The following GRIN2D variants were observed in gnomAD, a reference collection of about 807,000 sequenced individuals.
GRIN2D encodes glutamate receptor ionotropic, NMDA 2D.
GRIN2D carries 37 observed loss-of-function variants against 103.2 expected under a neutral mutation model. The observed-to-expected ratio is 0.36, with a 90% CI of 0.28 to 0.47. GRIN2D has a LOEUF of 0.47. Among genes scored for constraint, GRIN2D ranks in the 20% least tolerant of loss-of-function variants. The pLI is 1.00. For missense variants in GRIN2D, 1,557 were observed against 1,910.6 expected, an observed-to-expected ratio of 0.81 and a Z score of 3.45; for synonymous variants, 845 against 885.6, an observed-to-expected ratio of 0.95 and a Z score of 0.81.
chr19:48,404,407 C>G (rs796191744), intron 3 of GRIN2D, among the ~76,000 whole-genome samples: 7 of 150,994 alleles, frequency 4.6e-5, no homozygotes, highest in African/African-American at 1.7e-4. Context: ...GCAGGAGAAT[C>G]ACTTGAACCC....
rs142827132 is a variant in GRIN2D, at chr19:48,441,934, G to C, written c.2418G>C (p.Ala806=). 2.9e-5 allele frequency: 46 copies of C among 1,608,550 alleles called. No homozygotes were observed. The highest frequency in any genetic ancestry group is 3.6e-5 in the Non-Finnish European group (43 of 1,178,514). The change falls in exon 12 of 14, where the codon GCG becomes GCC. Residue 806 remains alanine (A), a synonymous_variant. Coordinates refer to ENST00000263269, the MANE Select transcript of GRIN2D (RefSeq NM_000836.4). ...GSRWKRPIDL[A]LLQFLGDDEI... Reference sequence around the variant, plus strand: ...GCTGGAAGCGGCCCATCGACCTGGCGTTGCTGCAGTTCCTGGGGGATGGTG... The same window carrying C: ...GCTGGAAGCGGCCCATCGACCTGGCCTTGCTGCAGTTCCTGGGGGATGGTG...
chr19:48,414,236 C>A lies in GRIN2D; in HGVS notation c.1200+131C>A. 1 of 899,122 alleles carries A rather than the reference C, an allele frequency of 1.1e-6. No individual in the cohort carries two copies. Among genetic ancestry groups the A allele is most frequent in the Non-Finnish European group, 1.8e-6 (1 of 569,810 alleles). 55.7% of individuals were successfully genotyped at this position (899,122 alleles called of 1,614,324 possible). On this transcript the variant is annotated intron_variant, in intron 5 of 13. Transcript: ENST00000263269. The surrounding 1 kb of genome is among the most constrained non-coding windows in gnomAD (Gnocchi z 4.6). ...AGCCTGGACTCCTGGGTCCTGGGAT[C>A]TGAAGGTGGGAGGGGCTCCTGGGTC...
chr19:48,442,888 G>A lies in GRIN2D; in HGVS notation c.2962G>A (p.Ala988Thr). The A allele has an allele frequency of 9.2e-7, 1 of 1,092,640 alleles. No individual in the cohort carries two copies. Among genetic ancestry groups the A allele is most frequent in the Non-Finnish European group, 1.1e-6 (1 of 902,520 alleles). 67.7% of individuals were successfully genotyped at this position (1,092,640 alleles called of 1,614,324 possible). The change falls in exon 14 of 14, where the codon GCC (alanine) becomes ACC (threonine). Residue 988 changes from alanine to threonine, a missense_variant. Physicochemically the swap from Ala to Thr is moderately conservative, Grantham distance 58. This residue lies in a region of GRIN2D where 632 missense variants were observed against 572.8 expected (regional missense o/e 1.10). Transcript: ENST00000263269. The surrounding 1 kb of genome is among the most constrained non-coding windows in gnomAD (Gnocchi z 7.2). The part of the protein sequence containing the change: ...GEARAAPRGA[A>T]GRPLSPPAAQ... ...AGCGCGCGCGGCACCGCGGGGCGCA[G>A]CCGGGCGCCCGCTGTCCCCGCCGGC...
At chr19:48,437,751 T>C (rs951624886) in intron 11 of GRIN2D, among the ~76,000 whole-genome samples, 2 of 152,146 alleles carry the variant, frequency 1.3e-5, no homozygotes, top group Non-Finnish European at 2.9e-5. Context: ...ACTTCACCTT[T>C]CACCCCCAAG....
rs754922391 is a variant in GRIN2D, at chr19:48,414,882, C to T, written c.1431C>T (p.Pro477=). The T allele has an allele frequency of 1.2e-5, 20 of 1,614,166 alleles. No homozygotes were observed. The highest frequency in any genetic ancestry group is 1.4e-5 in the Non-Finnish European group (16 of 1,180,046). Residue 477 remains proline (P), a synonymous_variant, in exon 7 of 14, where the codon CCC becomes CCT. Coordinates refer to ENST00000263269, the MANE Select transcript of GRIN2D (RefSeq NM_000836.4). The surrounding 1 kb of genome is among the most constrained non-coding windows in gnomAD (Gnocchi z 4.6). ...NRTHSPPPDA[P]RPEKRCCKGF... ...CCCGCAGCCCTCCACCGGATGCCCCCCGCCCGGAAAAGCGCTGCTGCAAGG... is the reference window on the plus strand; with the variant it reads ...CCCGCAGCCCTCCACCGGATGCCCCTCGCCCGGAAAAGCGCTGCTGCAAGG...
chr19:48,409,170 T>C (rs77485774), intron 4 of GRIN2D, among the ~76,000 whole-genome samples: 1,760 of 152,118 alleles, frequency 0.012, 31 homozygotes, highest in African/African-American at 0.04. Flanking sequence ...AACCACAGCA[T>C]TAGTCCATTT....
In GRIN2D at chr19:48,444,229, T is replaced by G. The variant is rs947498211; in HGVS notation, c.*292T>G. On this transcript the variant is annotated 3_prime_UTR_variant, in exon 14 of 14. Transcript: ENST00000263269. This position sits in a 1 kb window ranked among gnomAD's most constrained non-coding sequence, Gnocchi z 5.5. The stretch of plus-strand genomic sequence containing the variant: ...TAACGTCACCAGATGGGGCGGGAGG[T>G]GGGGGGTTCACGCCACTCCCGCGTC... 8 of 259,698 alleles carry G rather than the reference T, an allele frequency of 3.1e-5. No homozygotes were observed. The highest frequency in any genetic ancestry group is 3.6e-5 in the Non-Finnish European group (5 of 137,938). 16.1% of individuals were successfully genotyped at this position (259,698 alleles called of 1,614,324 possible).
At chr19:48,424,265 A>ATTTTTTT (rs569050730) in intron 11 of GRIN2D, among the ~76,000 whole-genome samples, 1 of 101,382 alleles carries the variant, frequency 9.9e-6, no homozygotes, top group Non-Finnish European at 1.9e-5. Context: ...AAAAAAAAAA[A>ATTTTTTT]TTTTTTTTTT....
intron 4 of GRIN2D, among the ~76,000 whole-genome samples, chr19:48,406,330 C>T (rs1044654172): frequency 6.6e-6 from 1 of 152,144 alleles, no homozygotes; most frequent in South Asian, 2.1e-4. Flanking sequence ...GCCCAACTTA[C>T]GCACTATTAT....
At chr19:48,419,095 T>G (rs1600981598) in intron 8 of GRIN2D, 139 bp from the exon 9 acceptor site, 1 of 609,762 alleles carries the variant, frequency 1.6e-6, no homozygotes, top group Non-Finnish European at 2.7e-6. Flanking sequence ...GCCAGTCTGG[T>G]CTTGAACTCC....
Position 48,404,906 on chromosome 19 carries a change from T to C in GRIN2D, c.638T>C (p.Val213Ala), listed in dbSNP as rs1314509214. Residue 213 changes from valine (V) to alanine (A), a missense_variant, in exon 4 of 14, where the codon GTG becomes GCG. Val to Ala is a moderately conservative substitution (Grantham distance 64). This residue lies in a region of GRIN2D where 490 missense variants were observed against 601.1 expected (regional missense o/e 0.82). Transcript: ENST00000263269. Reference sequence around the variant, plus strand: ...GAGGTGCTGACTGACGGTAGTCTGGTGGGCTGGGAGCACCGCGGAGCGCTG... The same window carrying C: ...GAGGTGCTGACTGACGGTAGTCTGGCGGGCTGGGAGCACCGCGGAGCGCTG... ...YIEVLTDGSLVGWEHRGALTL... is the reference protein window; with the variant it reads ...YIEVLTDGSLAGWEHRGALTL... 1 of 1,614,106 alleles carries C rather than the reference T, an allele frequency of 6.2e-7. No homozygotes were observed. Among genetic ancestry groups the C allele is most frequent in the East Asian group, 2.2e-5 (1 of 44,886 alleles).
intron 11 of GRIN2D, among the ~76,000 whole-genome samples, chr19:48,433,942 G>A (rs1057168442): frequency 6.6e-6 from 1 of 150,908 alleles, no homozygotes; most frequent in African/African-American, 2.4e-5. Flanking sequence ...TCATTTGGCC[G>A]CTTCTTTTCT....
At chr19:48,424,680 G>T (rs1441210562) in intron 11 of GRIN2D, among the ~76,000 whole-genome samples, 2 of 151,906 alleles carry the variant, frequency 1.3e-5, no homozygotes, top group Non-Finnish European at 1.5e-5. Flanking sequence ...TTCCCCACAC[G>T]CTGTCTTTGA....
chr19:48,397,926 A>C (rs1970662161), intron 2 of GRIN2D, among the ~76,000 whole-genome samples: 2 of 135,782 alleles, frequency 1.5e-5, no homozygotes, highest in South Asian at 2.4e-4. Flanking sequence ...CCCATACTCC[A>C]CTTCTTCCTA....
Position 48,398,361 on chromosome 19 carries a change from G to A in GRIN2D, c.-26-6G>A, listed in dbSNP as rs1308974569. 25 of 1,099,200 alleles carry A rather than the reference G, an allele frequency of 2.3e-5. No individual in the cohort carries two copies. The highest frequency in any genetic ancestry group is 4.8e-5 in the East Asian group (1 of 20,994). The allele number at this position is 1,099,200 out of a possible 1,614,324, so 68.1% of individuals were successfully genotyped here. ...CCTCCCCGTCTCTCCCGGCCCGGGC[G>A]CTCAGAGGCCGCCCGGCGGGGCCCG... On this transcript the variant is annotated splice_polypyrimidine_tract_variant and splice_region_variant and intron_variant, in intron 2 of 13. Transcript: ENST00000263269.
Position 48,442,949 on chromosome 19 carries a change from T to C in GRIN2D, c.3023T>C (p.Phe1008Ser). 1 of 1,136,610 alleles carries C rather than the reference T, an allele frequency of 8.8e-7. No homozygotes were observed. Among genetic ancestry groups the C allele is most frequent in the Non-Finnish European group, 1.1e-6 (1 of 918,406 alleles). The allele number at this position is 1,136,610 out of a possible 1,614,324, so 70.4% of individuals were successfully genotyped here. ...CCGCAGAAGCCGCCGCCCTCCTATT[T>C]CGCCATCGTACGCGACAAGGAGCCA... ...QPPQKPPPSY[F>S]AIVRDKEPAE... Residue 1008 changes from phenylalanine to serine, a missense_variant, in exon 14 of 14, where the codon TTC becomes TCC. Phe to Ser is a radical substitution (Grantham distance 155, BLOSUM62 -2). This residue lies in a region of GRIN2D where 632 missense variants were observed against 572.8 expected (regional missense o/e 1.10). Transcript: ENST00000263269. The surrounding 1 kb of genome is among the most constrained non-coding windows in gnomAD (Gnocchi z 7.2).
intron 11 of GRIN2D, among the ~76,000 whole-genome samples, chr19:48,440,184 C>T (rs928368867): frequency 1.1e-4 from 17 of 151,678 alleles, no homozygotes; most frequent in African/African-American, 4.1e-4. Flanking sequence ...GCACTCCAGC[C>T]TGGGGGACAA....
chr19:48,435,137 T>C (rs1971213116), intron 11 of GRIN2D, among the ~76,000 whole-genome samples: 1 of 152,130 alleles, frequency 6.6e-6, no homozygotes, highest in Non-Finnish European at 1.5e-5. Context: ...CCCACAGTTG[T>C]AGAGGCTAGA....
At chr19:48,435,247 C>T (rs1357818013) in intron 11 of GRIN2D, among the ~76,000 whole-genome samples, 1 of 151,764 alleles carries the variant, frequency 6.6e-6, no homozygotes, top group Non-Finnish European at 1.5e-5. Flanking sequence ...CTGCCGTCTT[C>T]CTCTGTCTCT....
Sources: gnomAD v4.1 joint callset for allele counts (sites outside exome capture counted in the v4.1 genomes callset) on GRCh38, gnomAD v4.1.1 for gene constraint, gnomAD v4.1.1 regional missense constraint, Gnocchi (gnomAD v3.1) non-coding constraint, MANE v1.5 for transcripts, NCBI Gene and HGNC (gene_info 2026-07-23, HGNC 2026-07-21) for gene names.